The following WIPF1 variants were observed in gnomAD, a reference collection of about 807,000 sequenced individuals.
The protein encoded by WIPF1 is WAS/WASL interacting protein family member 1.
WIPF1 carries 13 observed loss-of-function variants against 35.4 expected under a neutral mutation model. The ratio of observed to expected loss-of-function variants is 0.37; its 90% CI spans 0.24 to 0.58. WIPF1 has a LOEUF of 0.58. WIPF1 is among the 20% of genes least tolerant of loss of function. The probability of loss-of-function intolerance (pLI) is 0.74; values close to 1 mark genes in which losing one functional copy is unlikely to be tolerated. For synonymous variants in WIPF1, 267 were observed against 266.3 expected, an observed-to-expected ratio of 1.00 and a Z score of -0.02; for missense variants, 591 against 667.0, an observed-to-expected ratio of 0.89 and a Z score of 1.25.
At chr2:174,644,298 A>G (rs1449212977) in intron 1 of WIPF1, among the ~76,000 whole-genome samples, 1 of 152,230 alleles carries the variant, frequency 6.6e-6, no homozygotes, top group Non-Finnish European at 1.5e-5. Flanking sequence ...TAATTGGTAA[A>G]GTCATTCTGT....
intron 1 of WIPF1, among the ~76,000 whole-genome samples, chr2:174,654,964 A>C (rs1335661092): frequency 1.3e-5 from 2 of 152,216 alleles, no homozygotes; most frequent in Non-Finnish European, 2.9e-5. Flanking sequence ...ACAACATATT[A>C]GTCCTGAAAA....
At chr2:174,580,338 C>G (rs969762258) in intron 3 of WIPF1, among the ~76,000 whole-genome samples, 1 of 152,214 alleles carries the variant, frequency 6.6e-6, no homozygotes, top group African/African-American at 2.4e-5. Context: ...CTAGGTCTTT[C>G]ACTTTTCCTT....
rs1684505271 is a variant in WIPF1, at chr2:174,562,304, C to T, written c.*243G>A. On this transcript the variant is annotated 3_prime_UTR_variant, in exon 8 of 8. Coordinates refer to ENST00000679041, the MANE Select transcript of WIPF1 (RefSeq NM_001375834.1). ...CTATTACGACAAAAGCCTATCGACC[C>T]CAGCAGCCAGCACAGGCAGGCTGCA... 1.3e-6 allele frequency: 2 copies of T among 1,501,632 alleles called. No homozygotes were observed. Among genetic ancestry groups the T allele is most frequent in the Non-Finnish European group, 1.8e-6 (2 of 1,122,294 alleles). 93.0% of individuals were successfully genotyped at this position (1,501,632 alleles called of 1,614,324 possible). A position where few individuals can be genotyped will look rare whatever the true frequency, so the allele number is the denominator to read the frequency against.
At chr2:174,681,603 C>T (rs1227769005) in intron 1 of WIPF1, among the ~76,000 whole-genome samples, 2 of 152,186 alleles carry the variant, frequency 1.3e-5, no homozygotes, top group Non-Finnish European at 2.9e-5. Flanking sequence ...AAAGAAAACC[C>T]ACCCAGCGTG....
At chr2:174,652,939 CTA>C (rs1687564989) in intron 1 of WIPF1, among the ~76,000 whole-genome samples, 1 of 152,170 alleles carries the variant, frequency 6.6e-6, no homozygotes, top group Admixed American at 6.5e-5. Context: ...TTCCACTCCT[CTA>C]TGAGATTGGT....
At chr2:174,680,174 T>C (rs1688218366) in intron 1 of WIPF1, among the ~76,000 whole-genome samples, 1 of 152,244 alleles carries the variant, frequency 6.6e-6, no homozygotes, top group Non-Finnish European at 1.5e-5. Flanking sequence ...AAAGTAAGCA[T>C]TCAGGCGCAG....
At chr2:174,628,605 C>G (rs897034957) in intron 1 of WIPF1, among the ~76,000 whole-genome samples, 4 of 152,224 alleles carry the variant, frequency 2.6e-5, no homozygotes, top group African/African-American at 9.6e-5. Context: ...TTCCTCAAAT[C>G]TTCAATCTGT....
At chr2:174,649,261 C>T (rs540260511) in intron 1 of WIPF1, among the ~76,000 whole-genome samples, 1 of 152,192 alleles carries the variant, frequency 6.6e-6, no homozygotes, top group African/African-American at 2.4e-5. Flanking sequence ...GGTACACACA[C>T]GTATATATTT....
chr2:174,564,108 T>A (rs1405000464), intron 7 of WIPF1, among the ~76,000 whole-genome samples: 1 of 152,196 alleles, frequency 6.6e-6, no homozygotes, highest in Non-Finnish European at 1.5e-5. Flanking sequence ...GTGCATTCGG[T>A]ACTGCTCAGG....
intron 3 of WIPF1, 151 bp from the exon 4 acceptor site, chr2:174,575,531 T>C: frequency 7.3e-7 from 1 of 1,374,076 alleles, no homozygotes; most frequent in Non-Finnish European, 9.6e-7. Context: ...AAGAGTTCCC[T>C]CAGCTCAGTC....
chr2:174,581,446 G>C lies in WIPF1; in HGVS notation c.52-7C>G. On this transcript the variant is annotated splice_polypyrimidine_tract_variant and splice_region_variant and intron_variant, in intron 2 of 7. Transcript: ENST00000679041. ...TAGGCTTCTCTGTATTGGCCTGAAA[G>C]GGAGCCATACAAACAAGTAGTCATC... 1.2e-6 allele frequency: 2 copies of C among 1,613,046 alleles called. No individual in the cohort carries two copies. The highest frequency in any genetic ancestry group is 1.1e-5 in the South Asian group (1 of 90,944).
chr2:174,614,785 A>C (rs190754341), intron 1 of WIPF1, among the ~76,000 whole-genome samples: 97 of 152,312 alleles, frequency 6.4e-4, no homozygotes, highest in Non-Finnish European at 1.1e-3. Context: ...CCTGCTGCAA[A>C]ACACCTTGTG....
chr2:174,675,590 G>T (rs899565373), intron 1 of WIPF1, among the ~76,000 whole-genome samples: 1 of 152,126 alleles, frequency 6.6e-6, no homozygotes, highest in Non-Finnish European at 1.5e-5. Flanking sequence ...CTGGGTTCAA[G>T]TGATCCTCCT....
At chr2:174,671,085 A>G in intron 1 of WIPF1, among the ~76,000 whole-genome samples, 1 of 152,234 alleles carries the variant, frequency 6.6e-6, no homozygotes, top group East Asian at 1.9e-4. Context: ...ATGTGTGCAG[A>G]TGCAACTGTG....
At chr2:174,565,893 A>ATT (rs145392775) in intron 7 of WIPF1, among the ~76,000 whole-genome samples, 5 of 150,696 alleles carry the variant, frequency 3.3e-5, no homozygotes, top group Non-Finnish European at 5.9e-5. Context: ...TTTTATTTTT[A>ATT]TTTTTTTTGA....
rs116592643 is a variant in WIPF1 at position 174,606,342 on chromosome 2, T to C, written c.-38-20731A>G. On this transcript the variant is annotated intron_variant, in intron 1 of 8. Transcript: ENST00000272746. ...TGAAAATCCCCCCAAATAGTATCATTATAACATGTACTAAACATTTGAAAA... is the reference window on the plus strand; with the variant it reads ...TGAAAATCCCCCCAAATAGTATCATCATAACATGTACTAAACATTTGAAAA... Among the ~76,000 whole-genome samples, 695 of 152,338 alleles carry C rather than the reference T, an allele frequency of 4.6e-3. 6 individuals carry two copies. Among genetic ancestry groups the C allele is most frequent in the African/African-American group, 0.016 (666 of 41,590 alleles).
At chr2:174,645,768 C>A (rs551785813) in intron 1 of WIPF1, among the ~76,000 whole-genome samples, 1 of 152,240 alleles carries the variant, frequency 6.6e-6, no homozygotes, top group African/African-American at 2.4e-5. Flanking sequence ...TATTCTTCTT[C>A]GGCATAACAC....
exon 1 of WIPF1, chr2:174,682,831 G>A (rs1055774147): frequency 6.6e-6 from 1 of 151,730 alleles, no homozygotes; most frequent in Non-Finnish European, 1.5e-5. Context: ...TTTTTTCTGG[G>A]AAACTTCTCC....
intron 1 of WIPF1, among the ~76,000 whole-genome samples, chr2:174,621,995 T>C (rs1190607092): frequency 6.6e-6 from 1 of 152,184 alleles, no homozygotes; most frequent in East Asian, 1.9e-4. Flanking sequence ...TCCAAATCAC[T>C]GCCCACCCCA....
Sources: allele counts gnomAD v4.1 joint callset (sites outside exome capture counted in the v4.1 genomes callset), GRCh38; gene constraint gnomAD v4.1.1; transcripts MANE v1.5; gene names NCBI Gene and HGNC (gene_info 2026-07-23, HGNC 2026-07-21).